SLC71A2: variants seen among roughly 807,000 people sequenced by gnomAD.
SLC71A2 encodes solute carrier family 71 member 2, also known as hippocampus abundant transcript-like 1.
At chr9:94,422,238 G>A in the SLC71A2 span, among the ~76,000 whole-genome samples, 2 of 152,172 alleles carry the variant, frequency 1.3e-5, no homozygotes, top group African/African-American at 2.4e-5. Flanking sequence ...AGGACTCTTA[G>A]AAGCATGCAC....
the SLC71A2 span, among the ~76,000 whole-genome samples, chr9:94,439,666 TGAA>T: frequency 6.6e-6 from 1 of 152,028 alleles, no homozygotes; most frequent in African/African-American, 2.4e-5. Flanking sequence ...TTCTACGAGT[TGAA>T]GAATTTTTTG....
At chr9:94,427,974 T>A in the SLC71A2 span, among the ~76,000 whole-genome samples, 2 of 151,784 alleles carry the variant, frequency 1.3e-5, no homozygotes, top group African/African-American at 4.8e-5. Context: ...ATACAAAAAT[T>A]AGCTGGGCAT....
chr9:94,385,900 T>C, the SLC71A2 span, among the ~76,000 whole-genome samples: 1 of 152,316 alleles, frequency 6.6e-6, no homozygotes, highest in African/African-American at 2.4e-5. Flanking sequence ...TCTTTACTTA[T>C]TTTTTTGAGA....
chr9:94,374,591 G>A, the SLC71A2 span: 2 of 152,922 alleles, frequency 1.3e-5, no homozygotes, highest in African/African-American at 4.8e-5. Context: ...AGTCGGGGTC[G>A]GTGCGGTTTG....
At chr9:94,392,324 T>C in the SLC71A2 span, among the ~76,000 whole-genome samples, 1 of 150,806 alleles carries the variant, frequency 6.6e-6, no homozygotes, top group Non-Finnish European at 1.5e-5. Context: ...ATTTTCAGCA[T>C]TCAGACTATA....
chr9:94,410,675 AATC>A, the SLC71A2 span, among the ~76,000 whole-genome samples: 2 of 152,232 alleles, frequency 1.3e-5, no homozygotes, highest in Non-Finnish European at 2.9e-5. Context: ...GCAAATTCCT[AATC>A]ATAGGAAAGA....
At chr9:94,400,493 G>T in the SLC71A2 span, among the ~76,000 whole-genome samples, 4 of 132,734 alleles carry the variant, frequency 3.0e-5, no homozygotes, top group Non-Finnish European at 4.8e-5. Flanking sequence ...AACTTTTTTT[G>T]CCTCCAGTCT....
the SLC71A2 span, among the ~76,000 whole-genome samples, chr9:94,433,660 A>T: frequency 2.5e-4 from 38 of 152,208 alleles, no homozygotes; most frequent in African/African-American, 8.2e-4. Context: ...GAGAACTATG[A>T]CTAAAGTATT....
chr9:94,420,171 C>T, the SLC71A2 span, among the ~76,000 whole-genome samples: 2 of 152,134 alleles, frequency 1.3e-5, no homozygotes, highest in Admixed American at 6.6e-5. Flanking sequence ...TAGAGTCAAC[C>T]GATTTGGGGA....
chr9:94,459,303 A>T, the SLC71A2 span: 1 of 1,614,182 alleles, frequency 6.2e-7, no homozygotes, highest in Admixed American at 1.7e-5. Context: ...AGCCTGACCA[A>T]CACCCCAGAA....
the SLC71A2 span, among the ~76,000 whole-genome samples, chr9:94,451,120 C>T: frequency 6.6e-6 from 1 of 152,122 alleles, no homozygotes; most frequent in African/African-American, 2.4e-5. Context: ...GTATTGGCAG[C>T]ATCAAAAGTC....
chr9:94,409,158 A>C, the SLC71A2 span, among the ~76,000 whole-genome samples: 4 of 49,872 alleles, frequency 8.0e-5, no homozygotes, highest in African/African-American at 3.4e-4. Context: ...TTTTTTTTTA[A>C]GGCAAGGTTT....
At chr9:94,394,887 C>T in the SLC71A2 span, among the ~76,000 whole-genome samples, 2 of 144,154 alleles carry the variant, frequency 1.4e-5, no homozygotes, top group South Asian at 4.6e-4. Flanking sequence ...ACAGAAATGA[C>T]TATGAGTCTT....
the SLC71A2 span, among the ~76,000 whole-genome samples, chr9:94,392,570 G>A: frequency 3.3e-5 from 5 of 151,306 alleles, no homozygotes; most frequent in African/African-American, 1.2e-4. Flanking sequence ...GTGTGATCTC[G>A]GCTTACTGCA....
the SLC71A2 span, among the ~76,000 whole-genome samples, chr9:94,457,659 C>T: frequency 6.6e-6 from 1 of 152,142 alleles, no homozygotes; most frequent in Non-Finnish European, 1.5e-5. Flanking sequence ...CAGACACCGT[C>T]CTGTCATTTG....
the SLC71A2 span, among the ~76,000 whole-genome samples, chr9:94,405,674 A>G: frequency 1.3e-5 from 2 of 152,094 alleles, no homozygotes; most frequent in Admixed American, 6.6e-5. Context: ...TTTTTATGCC[A>G]GAACCACACT....
the SLC71A2 span, among the ~76,000 whole-genome samples, chr9:94,453,225 C>G: frequency 6.7e-6 from 1 of 149,784 alleles, no homozygotes; most frequent in Non-Finnish European, 1.5e-5. Context: ...TTTCGGCTCA[C>G]TGCAACCTCT....
the SLC71A2 span, among the ~76,000 whole-genome samples, chr9:94,423,265 CT>C: frequency 0.53 from 73,695 of 139,634 alleles, 19,158 homozygotes; most frequent in Admixed American, 0.62. Context: ...CTCTCTCTCT[CT>C]TTTTTTTTTT....
At chr9:94,418,361 A>G in the SLC71A2 span, among the ~76,000 whole-genome samples, 78,295 of 151,886 alleles carry the variant, frequency 0.52, 20,418 homozygotes, top group Admixed American at 0.61. Flanking sequence ...TGGATTACCA[A>G]ATTTTTAACT....
Sources: allele counts gnomAD v4.1 joint callset (sites outside exome capture counted in the v4.1 genomes callset), GRCh38; gene constraint gnomAD v4.1.1; transcripts MANE v1.5; gene names NCBI Gene and HGNC (gene_info 2026-07-23, HGNC 2026-07-21).